Variants in NAA60 observed in about 807,000 individuals in gnomAD.
NAA60 encodes N-alpha-acetyltransferase 60, NatF catalytic subunit, also known as N-alpha-acetyltransferase 60.
NAA60 carries 8 observed loss-of-function variants against 26.1 expected under a neutral mutation model. The ratio of observed to expected loss-of-function variants is 0.31; its 90% CI spans 0.18 to 0.55. NAA60 has a LOEUF of 0.55. NAA60 is among the 20% of genes least tolerant of loss of function. The probability of loss-of-function intolerance (pLI) is 0.93; values close to 1 mark genes in which losing one functional copy is unlikely to be tolerated. For missense variants in NAA60, 290 were observed against 311.3 expected, an observed-to-expected ratio of 0.93 and a Z score of 0.51; for synonymous variants, 131 against 122.5, an observed-to-expected ratio of 1.07 and a Z score of -0.46.
At chr16:3,469,947 C>T (rs1309567437) in intron 2 of NAA60, among the ~76,000 whole-genome samples, 1 of 152,228 alleles carries the variant, frequency 6.6e-6, no homozygotes, top group Non-Finnish European at 1.5e-5. Flanking sequence ...CTCACCATCA[C>T]TGTGCTCAAG....
intron 2 of NAA60, chr16:3,457,884 G>A (rs1379635299): frequency 1.3e-6 from 1 of 775,788 alleles, no homozygotes; most frequent in Non-Finnish European, 1.6e-6. Context: ...ACGGGATCCT[G>A]GGCCTGGCTT....
chr16:3,471,769 C>T lies in NAA60; in HGVS notation c.-6-4453C>T, dbSNP rs572943582. Among the ~76,000 whole-genome samples, 298 of 152,228 alleles carry T rather than the reference C, an allele frequency of 2.0e-3. 1 individual carries two copies. Among genetic ancestry groups the T allele is most frequent in the Admixed American group, 0.01 (158 of 15,290 alleles). On this transcript the variant is annotated intron_variant, in intron 2 of 7. Transcript: ENST00000407558. The stretch of plus-strand genomic sequence containing the variant: ...CCCTGCAGGAGCTCAGAAACCTGGG[C>T]GGCTGGGCCTATGGGCTCTGGAGTT...
Position 3,443,762 on chromosome 16 carries a change from A to T in NAA60, c.-152A>T. Reference sequence around the variant, plus strand: ...AGAGTCTTAGGGTGACCCCAGGGGGACGTAATGTTTCCGAGAAGAAGGACA... The same window carrying T: ...AGAGTCTTAGGGTGACCCCAGGGGGTCGTAATGTTTCCGAGAAGAAGGACA... On this transcript the variant is annotated 5_prime_UTR_variant, in exon 1 of 8. Transcript: ENST00000407558. 3 of 1,532,848 alleles carry T rather than the reference A, an allele frequency of 2.0e-6. No individual in the cohort carries two copies. Among genetic ancestry groups the T allele is most frequent in the South Asian group, 1.2e-5 (1 of 83,786 alleles). 95.0% of individuals were successfully genotyped at this position (1,532,848 alleles called of 1,614,324 possible).
intron 6 of NAA60, 151 bp from the exon 7 acceptor site, chr16:3,484,548 C>G (rs997299036): frequency 9.8e-7 from 1 of 1,023,558 alleles, no homozygotes; most frequent in Non-Finnish European, 1.4e-6. Context: ...ATGAGCCTTT[C>G]CAGCTCTGCA....
At chr16:3,479,948 A>G (rs977980915) in intron 4 of NAA60, among the ~76,000 whole-genome samples, 7 of 152,174 alleles carry the variant, frequency 4.6e-5, no homozygotes, top group Non-Finnish European at 8.8e-5. Context: ...AACCGCTAAG[A>G]CTGCTTCAGC....
Position 3,443,849 on chromosome 16 carries a change from C to G in NAA60, c.-77+12C>G. On this transcript the variant is annotated intron_variant, in intron 1 of 7. Coordinates refer to ENST00000407558, the MANE Select transcript of NAA60 (RefSeq NM_001083601.3). ...ATCGGTAACAAAATGTGGGTTCGGCCAACAGTGCCCTGTAGGCCTGAAATT... is the reference window on the plus strand; with the variant it reads ...ATCGGTAACAAAATGTGGGTTCGGCGAACAGTGCCCTGTAGGCCTGAAATT... 1 of 1,532,140 alleles carries G rather than the reference C, an allele frequency of 6.5e-7. No homozygotes were observed. Among genetic ancestry groups the G allele is most frequent in the Non-Finnish European group, 8.7e-7 (1 of 1,145,012 alleles). The allele number at this position is 1,532,140 out of a possible 1,614,324, so 94.9% of individuals were successfully genotyped here. A position where few individuals can be genotyped will look rare whatever the true frequency, so the allele number is the denominator to read the frequency against.
intron 2 of NAA60, among the ~76,000 whole-genome samples, chr16:3,466,588 A>G (rs1260770237): frequency 6.6e-6 from 1 of 152,124 alleles, no homozygotes; most frequent in African/African-American, 2.4e-5. Context: ...TGTGGAGTTC[A>G]TGAGTGTTGG....
intron 2 of NAA60, among the ~76,000 whole-genome samples, chr16:3,461,884 T>G (rs2035419822): frequency 6.6e-6 from 1 of 152,022 alleles, no homozygotes; most frequent in Admixed American, 6.5e-5. Context: ...GCTCACAAGT[T>G]CGAGAGCGGC....
At position 3,448,465 on chromosome 16, in the gene NAA60, C is replaced by T. The variant is rs939761456; in HGVS notation, c.-76-6C>T. On this transcript the variant is annotated splice_polypyrimidine_tract_variant and splice_region_variant and intron_variant, in intron 1 of 7. Transcript: ENST00000407558. ...AGTGATGGCCTTGTGTCTTTCTCCC[C>T]TGCAGCATACAGAAAGGCTGTACCT... is the stretch of plus-strand genomic sequence containing the variant. 2 of 1,535,268 alleles carry T rather than the reference C, an allele frequency of 1.3e-6. No homozygotes were observed. Among genetic ancestry groups the T allele is most frequent in the African/African-American group, 2.7e-5 (2 of 72,988 alleles).
intron 2 of NAA60, among the ~76,000 whole-genome samples, chr16:3,459,283 CG>C (rs1227718984): frequency 6.6e-6 from 1 of 152,120 alleles, no homozygotes; most frequent in Non-Finnish European, 1.5e-5. Context: ...TCTAGAAATG[CG>C]GCAGTCCATG....
rs1462927103 is a variant in NAA60, at chr16:3,450,695, G to A, written c.-7+2155G>A. On this transcript the variant is annotated intron_variant, in intron 2 of 7. Transcript: ENST00000407558. ...AGCCTGGGCGACAGAGTGAGACTCC[G>A]TCTCAAAAAAAAAAAAAAAAAAAAA... Among the ~76,000 whole-genome samples the A allele has an allele frequency of 1.1e-3, 105 of 92,888 alleles. 2 individuals are homozygous for A. In the East Asian group the frequency reaches 0.019, roughly 17 times the overall value. The allele number at this position is 92,888 out of a possible 152,430, so 60.9% of individuals were successfully genotyped here.
At chr16:3,469,635 C>G (rs1052976609) in intron 2 of NAA60, among the ~76,000 whole-genome samples, 5 of 151,076 alleles carry the variant, frequency 3.3e-5, no homozygotes, top group African/African-American at 1.2e-4. Flanking sequence ...GGTACCCGTC[C>G]TGTTTGGAGG....
intron 2 of NAA60, among the ~76,000 whole-genome samples, chr16:3,464,085 G>T (rs1596313583): frequency 6.6e-6 from 1 of 152,132 alleles, no homozygotes. Flanking sequence ...CCAGGCTGGA[G>T]TGTAGTGATG....
intron 3 of NAA60, among the ~76,000 whole-genome samples, chr16:3,477,744 A>G (rs1238323781): frequency 6.7e-6 from 1 of 148,938 alleles, no homozygotes; most frequent in Non-Finnish European, 1.5e-5. Context: ...AGCCTGGCCA[A>G]CATGGTGAAA....
chr16:3,483,818 C>G, intron 6 of NAA60: 1 of 555,042 alleles, frequency 1.8e-6, no homozygotes, highest in Admixed American at 3.5e-5. Flanking sequence ...GTCTCGAACT[C>G]CTAAGCTCAA....
At chr16:3,449,362 C>G (rs757783278) in intron 2 of NAA60, among the ~76,000 whole-genome samples, 4 of 151,874 alleles carry the variant, frequency 2.6e-5, no homozygotes, top group Admixed American at 6.6e-5. Context: ...ACTAAAAATA[C>G]AAAAAATTAG....
chr16:3,484,928 C>A lies in NAA60; in HGVS notation c.*73C>A. On this transcript the variant is annotated 3_prime_UTR_variant, in exon 7 of 8. Coordinates refer to ENST00000407558, the MANE Select transcript of NAA60 (RefSeq NM_001083601.3). ...GAGCCCGCCTTCCTGTCCATCTGAC[C>A]CCTTCTGTTTTCTGCAAGGAGCTGC... 1 of 1,543,978 alleles carries A rather than the reference C, an allele frequency of 6.5e-7. No homozygotes were observed. The highest frequency in any genetic ancestry group is 8.7e-7 in the Non-Finnish European group (1 of 1,146,204).
At position 3,485,910 on chromosome 16, in the gene NAA60, A is replaced by G; in HGVS notation, c.*650A>G. The stretch of plus-strand genomic sequence containing the variant: ...CTGGCACAGGCGGTCACGCATCAGG[A>G]CGGTTCCTACTCCTCAGCACCTTCC... On this transcript the variant is annotated 3_prime_UTR_variant, in exon 8 of 8. Transcript: ENST00000407558. The G allele has an allele frequency of 2.8e-6, 1 of 351,242 alleles. No individual in the cohort carries two copies. Among genetic ancestry groups the G allele is most frequent in the Non-Finnish European group, 5.7e-6 (1 of 176,936 alleles). The allele number at this position is 351,242 out of a possible 1,614,324, so 21.8% of individuals were successfully genotyped here. A position where few individuals can be genotyped will look rare whatever the true frequency, so the allele number is the denominator to read the frequency against.
chr16:3,483,140 G>A (rs1367287445), intron 5 of NAA60, among the ~76,000 whole-genome samples: 1 of 152,196 alleles, frequency 6.6e-6, no homozygotes, highest in Non-Finnish European at 1.5e-5. Context: ...ATGGGAGGGC[G>A]CTACCAGGCC....
Sources: allele counts gnomAD v4.1 joint callset (sites outside exome capture counted in the v4.1 genomes callset), GRCh38; gene constraint gnomAD v4.1.1; transcripts MANE v1.5; gene names NCBI Gene and HGNC (gene_info 2026-07-23, HGNC 2026-07-21).